The following MAGI3 variants were observed in gnomAD, a reference collection of about 807,000 sequenced individuals.
MAGI3 encodes the protein membrane associated guanylate kinase, WW and PDZ domain containing 3.
A neutral mutation model predicts 121.8 loss-of-function variants in MAGI3; 43 were observed. The observed-to-expected ratio is 0.35, with a 90% confidence interval of 0.28 to 0.46. MAGI3 has a LOEUF of 0.46. Among genes scored for constraint, MAGI3 ranks in the 20% least tolerant of loss-of-function variants. The pLI is 1.00. For synonymous variants in MAGI3, 553 were observed against 639.3 expected (o/e 0.86, Z 2.04); for missense variants, 1,547 against 1,797.3 (o/e 0.86, Z 2.52).
chr1:113,649,460 C>G (rs1276180208), intron 13 of MAGI3, 132 bp downstream of exon 13: 2 of 579,996 alleles, frequency 3.4e-6, no homozygotes, highest in Non-Finnish European at 6.0e-6. Flanking sequence ...ACTGCATTTC[C>G]ATTATTATCA....
intron 1 of MAGI3, among the ~76,000 whole-genome samples, chr1:113,456,991 T>C (rs1332135520): frequency 6.6e-6 from 1 of 152,154 alleles, no homozygotes; most frequent in African/African-American, 2.4e-5. Flanking sequence ...AAGAGAAAAT[T>C]AAAAACTTTT....
intron 1 of MAGI3, among the ~76,000 whole-genome samples, chr1:113,546,063 T>C (rs1659520640): frequency 6.6e-6 from 1 of 152,188 alleles, no homozygotes; most frequent in African/African-American, 2.4e-5. Context: ...TATTTACATA[T>C]TTTTTAAAAA....
intron 1 of MAGI3, among the ~76,000 whole-genome samples, chr1:113,407,722 T>G (rs1651766230): frequency 6.6e-6 from 1 of 152,108 alleles, no homozygotes; most frequent in South Asian, 2.1e-4. Context: ...CTGGTGAATC[T>G]AGGATCAGCA....
chr1:113,638,667 C>CTCAGGGG (rs1652219468), intron 9 of MAGI3, among the ~76,000 whole-genome samples: 1 of 152,220 alleles, frequency 6.6e-6, no homozygotes, highest in African/African-American at 2.4e-5. Context: ...AGTTAGGCTG[C>CTCAGGGG]TCAGGGGTCA....
intron 1 of MAGI3, among the ~76,000 whole-genome samples, chr1:113,444,546 C>T (rs1283174566): frequency 1.3e-5 from 2 of 152,158 alleles, no homozygotes; most frequent in African/African-American, 4.8e-5. Context: ...GTTTACATTT[C>T]AGGCTGATCA....
At chr1:113,567,733 A>G (rs1660491628) in intron 2 of MAGI3, among the ~76,000 whole-genome samples, 2 of 152,002 alleles carry the variant, frequency 1.3e-5, no homozygotes, top group Admixed American at 6.6e-5. Context: ...AACTACCTCA[A>G]CATAATAAAA....
intron 1 of MAGI3, chr1:113,404,313 C>G (rs953672629): frequency 6.6e-6 from 1 of 152,186 alleles, no homozygotes; most frequent in South Asian, 2.1e-4. Context: ...GGAGCTTCAG[C>G]TGAGAGGTTT....
At chr1:113,420,058 AG>A (rs1432356055) in intron 1 of MAGI3, among the ~76,000 whole-genome samples, 4 of 152,220 alleles carry the variant, frequency 2.6e-5, no homozygotes, top group African/African-American at 9.6e-5. Flanking sequence ...GAAATTACAG[AG>A]ACAGATTTGT....
intron 9 of MAGI3, among the ~76,000 whole-genome samples, chr1:113,629,321 TTC>T (rs1008481384): frequency 2.6e-5 from 4 of 152,336 alleles, no homozygotes; most frequent in Admixed American, 6.5e-5. Flanking sequence ...TCTGCATTTC[TTC>T]TCTCTGTTAT....
At chr1:113,637,276 T>A (rs562706292) in intron 9 of MAGI3, among the ~76,000 whole-genome samples, 8 of 152,330 alleles carry the variant, frequency 5.3e-5, no homozygotes, top group Non-Finnish European at 1.0e-4. Flanking sequence ...GTCATTATGA[T>A]GTTCGCTGGT....
At chr1:113,432,738 G>A (rs2101425403) in intron 1 of MAGI3, among the ~76,000 whole-genome samples, 1 of 151,988 alleles carries the variant, frequency 6.6e-6, no homozygotes, top group African/African-American at 2.4e-5. Context: ...TTAAAAAAAG[G>A]CAAATCAGAA....
intron 9 of MAGI3, among the ~76,000 whole-genome samples, chr1:113,623,496 A>ATAT (rs1553208682): frequency 4.4e-5 from 2 of 45,442 alleles, no homozygotes; most frequent in Non-Finnish European, 9.6e-5. Context: ...ACATATATAT[A>ATAT]TTTTTTTTTG....
intron 9 of MAGI3, among the ~76,000 whole-genome samples, chr1:113,631,719 C>T (rs1332304594): frequency 6.6e-6 from 1 of 151,830 alleles, no homozygotes; most frequent in South Asian, 2.1e-4. Context: ...GCCGTTTTTC[C>T]CAAGTTTGTT....
chr1:113,593,889 A>C (rs1413071309), intron 5 of MAGI3, among the ~76,000 whole-genome samples: 1 of 152,216 alleles, frequency 6.6e-6, no homozygotes, highest in East Asian at 1.9e-4. Flanking sequence ...TTTGTAGAGC[A>C]GAGTTTAACT....
At chr1:113,593,351 AG>A (rs1648807705) in intron 5 of MAGI3, among the ~76,000 whole-genome samples, 2 of 152,120 alleles carry the variant, frequency 1.3e-5, no homozygotes, top group Non-Finnish European at 2.9e-5. Context: ...AGACCAGTCT[AG>A]GCAACATAGC....
chr1:113,522,787 AT>A (rs1288097054), intron 1 of MAGI3, among the ~76,000 whole-genome samples: 1 of 152,004 alleles, frequency 6.6e-6, no homozygotes, highest in Non-Finnish European at 1.5e-5. Context: ...TGTGTGTGTA[AT>A]TTTTTTAAAC....
rs1270783086 is a variant in MAGI3 at position 113,535,480 on chromosome 1, A to G, written c.317-14035A>G. Among the ~76,000 whole-genome samples the G allele has an allele frequency of 2.6e-5, 4 of 152,190 alleles. No individual in the cohort carries two copies. The South Asian group carries it at 8.3e-4, about 32-fold the overall frequency. On this transcript the variant is annotated intron_variant, in intron 1 of 20. Transcript: ENST00000307546. ...TGCACCTTCCTCTTTTTTTTAACTCAATATATTTAAACATTATAAATCAGT... is the reference window on the plus strand; with the variant it reads ...TGCACCTTCCTCTTTTTTTTAACTCGATATATTTAAACATTATAAATCAGT...
At chr1:113,636,147 GA>G (rs1392546979) in intron 9 of MAGI3, among the ~76,000 whole-genome samples, 1 of 150,512 alleles carries the variant, frequency 6.6e-6, no homozygotes, top group Non-Finnish European at 1.5e-5. Flanking sequence ...GCTAGTGGTC[GA>G]TCAATTTTGT....
chr1:113,631,200 G>A (rs1192997336), intron 9 of MAGI3, among the ~76,000 whole-genome samples: 1 of 152,176 alleles, frequency 6.6e-6, no homozygotes, highest in Non-Finnish European at 1.5e-5. Flanking sequence ...TGGGGGAGTG[G>A]TAGCACTGGC....
Sources: allele counts gnomAD v4.1 joint callset (sites outside exome capture counted in the v4.1 genomes callset), GRCh38; gene constraint gnomAD v4.1.1; transcripts MANE v1.5; gene names NCBI Gene and HGNC (gene_info 2026-07-23, HGNC 2026-07-21).